The following GRIP1 variants were observed in gnomAD, a reference collection of about 807,000 sequenced individuals.
GRIP1 encodes the protein glutamate receptor-interacting protein 1.
GRIP1 carries 45 observed loss-of-function variants against 129.9 expected under a neutral mutation model. That is an observed-to-expected ratio of 0.35 (90% CI 0.27 to 0.44). The LOEUF (loss-of-function observed/expected upper bound fraction) is 0.44. Among genes scored for constraint, GRIP1 ranks in the 20% least tolerant of loss-of-function variants. GRIP1 has a pLI of 1.00. For synonymous variants in GRIP1, 530 were observed against 520.8 expected, an observed-to-expected ratio of 1.02 and a Z score of -0.24; for missense variants, 1,196 against 1,396.8, an observed-to-expected ratio of 0.86 and a Z score of 2.29.
intron 1 of GRIP1, among the ~76,000 whole-genome samples, chr12:66,638,674 A>G (rs1291659786): frequency 6.6e-6 from 1 of 152,164 alleles, no homozygotes; most frequent in East Asian, 1.9e-4. Context: ...TACGAAATCA[A>G]TTTTGTCAAT....
rs1053482342 is a variant in GRIP1 at position 66,472,803 on chromosome 12, C to T, written c.725-7381G>A. Reference sequence around the variant, plus strand: ...ATGGTGCACACTAGCCCAGATACTACGCTTTTCCCATGGTCTTCATAACCT... The same window carrying T: ...ATGGTGCACACTAGCCCAGATACTATGCTTTTCCCATGGTCTTCATAACCT... On this transcript the variant is annotated intron_variant, in intron 7 of 24. Coordinates refer to ENST00000359742, the MANE Select transcript of GRIP1 (RefSeq NM_001366722.1). Among the ~76,000 whole-genome samples, 62 of 152,192 alleles carry T rather than the reference C, an allele frequency of 4.1e-4. 1 individual carries two copies. Among genetic ancestry groups the T allele is most frequent in the Admixed American group, 4.6e-4 (7 of 15,280 alleles).
intron 1 of GRIP1, among the ~76,000 whole-genome samples, chr12:66,874,233 C>T (rs1223570459): frequency 1.3e-5 from 2 of 152,060 alleles, no homozygotes; most frequent in African/African-American, 4.8e-5. Context: ...ATTTGTTTTT[C>T]AGGCCAGGGC....
At chr12:66,628,598 A>G (rs1323908154) in intron 1 of GRIP1, among the ~76,000 whole-genome samples, 1 of 152,198 alleles carries the variant, frequency 6.6e-6, no homozygotes, top group East Asian at 1.9e-4. Context: ...CTTGTTGTGT[A>G]TTCGCAAAAT....
At chr12:66,992,498 G>T (rs2042408248) in intron 1 of GRIP1, among the ~76,000 whole-genome samples, 3 of 152,072 alleles carry the variant, frequency 2.0e-5, no homozygotes, top group African/African-American at 7.2e-5. Context: ...ATATCAACAA[G>T]TCCTGATTAC....
chr12:66,600,106 C>T (rs1054807779), intron 1 of GRIP1, among the ~76,000 whole-genome samples: 3 of 152,156 alleles, frequency 2.0e-5, no homozygotes, highest in Non-Finnish European at 4.4e-5. Flanking sequence ...ATATAAATCC[C>T]ATTCTTCCCT....
At position 66,839,677 on chromosome 12, in the gene GRIP1, C is replaced by T. The variant is rs1317458420; in HGVS notation, c.58+229373G>A. 2.6e-5 allele frequency among the ~76,000 whole-genome samples: 4 copies of T among 152,276 alleles called. No individual in the cohort carries two copies. In the East Asian group the frequency reaches 7.7e-4, roughly 29 times the overall value. Reference sequence around the variant, plus strand: ...CAAAAAAGAAAATAGGAATTGATAGCACAGTGGATTCCAGAAAAGCATATT... The same window carrying T: ...CAAAAAAGAAAATAGGAATTGATAGTACAGTGGATTCCAGAAAAGCATATT... On this transcript the variant is annotated intron_variant, in intron 1 of 1. Coordinates refer to the GRIP1 transcript ENST00000643019.
chr12:66,960,667 CT>C (rs1380389963), intron 1 of GRIP1, among the ~76,000 whole-genome samples: 2 of 152,040 alleles, frequency 1.3e-5, no homozygotes, highest in Non-Finnish European at 2.9e-5. Context: ...TATTTTGCCC[CT>C]CAGGGGATAT....
chr12:66,499,945 G>A (rs1369744368), intron 7 of GRIP1, among the ~76,000 whole-genome samples: 2 of 152,108 alleles, frequency 1.3e-5, no homozygotes, highest in African/African-American at 4.8e-5. Flanking sequence ...AGGGGGTCAG[G>A]GCTGCTGTGA....
At chr12:66,953,316 AG>A (rs2041789593) in intron 1 of GRIP1, among the ~76,000 whole-genome samples, 2 of 152,318 alleles carry the variant, frequency 1.3e-5, no homozygotes, top group South Asian at 4.1e-4. Flanking sequence ...GAGAGGCCAG[AG>A]GATGATGATA....
chr12:66,450,553 T>A (rs1309002086), intron 11 of GRIP1, among the ~76,000 whole-genome samples: 2 of 149,400 alleles, frequency 1.3e-5, no homozygotes, highest in Non-Finnish European at 3.0e-5. Flanking sequence ...ATGATAAAAA[T>A]TATTAGAAAA....
chr12:66,352,298 G>A (rs1285606452), intron 24 of GRIP1, among the ~76,000 whole-genome samples: 2 of 152,156 alleles, frequency 1.3e-5, no homozygotes, highest in Admixed American at 1.3e-4. Context: ...TGTGAGCAGG[G>A]ACCTGAAGTA....
chr12:66,410,030 C>T (rs1352128371), intron 15 of GRIP1, among the ~76,000 whole-genome samples: 1 of 151,032 alleles, frequency 6.6e-6, no homozygotes, highest in Admixed American at 6.6e-5. Flanking sequence ...GCGGGCGGAT[C>T]ACGAGGTCAG....
At chr12:66,729,582 A>AT (rs950388172) in intron 1 of GRIP1, among the ~76,000 whole-genome samples, 2 of 151,128 alleles carry the variant, frequency 1.3e-5, no homozygotes, top group Non-Finnish European at 3.0e-5. Flanking sequence ...CAGGATACAT[A>AT]TTTTTTTTTG....
chr12:66,894,224 G>A (rs1443630493), intron 1 of GRIP1, among the ~76,000 whole-genome samples: 1 of 152,136 alleles, frequency 6.6e-6, no homozygotes, highest in Non-Finnish European at 1.5e-5. Context: ...TGGGGTTCAT[G>A]GAGGAAAGCC....
intron 1 of GRIP1, among the ~76,000 whole-genome samples, chr12:66,846,037 A>G (rs2039808916): frequency 6.6e-6 from 1 of 152,136 alleles, no homozygotes; most frequent in African/African-American, 2.4e-5. Context: ...ACTATTTCTC[A>G]TGCCCGCTAT....
At chr12:66,598,897 G>A (rs1312079122) in intron 1 of GRIP1, among the ~76,000 whole-genome samples, 1 of 152,092 alleles carries the variant, frequency 6.6e-6, no homozygotes, top group Non-Finnish European at 1.5e-5. Context: ...TTTTTATAAA[G>A]GGCAATAAGA....
At chr12:66,550,295 C>T (rs1159523589) in intron 2 of GRIP1, among the ~76,000 whole-genome samples, 1 of 152,088 alleles carries the variant, frequency 6.6e-6, no homozygotes, top group Non-Finnish European at 1.5e-5. Context: ...TTATAAGGAA[C>T]TTATGGTAAT....
intron 1 of GRIP1, among the ~76,000 whole-genome samples, chr12:66,741,208 T>C (rs963783263): frequency 6.6e-6 from 1 of 152,224 alleles, no homozygotes; most frequent in African/African-American, 2.4e-5. Flanking sequence ...TATCTATCCA[T>C]AATCAACATT....
chr12:66,672,169 T>C (rs2034112102), intron 1 of GRIP1, among the ~76,000 whole-genome samples: 1 of 152,228 alleles, frequency 6.6e-6, no homozygotes, highest in African/African-American at 2.4e-5. Context: ...GATGACAACA[T>C]ATCTTTAGTG....
Sources: gnomAD v4.1 joint callset for allele counts (sites outside exome capture counted in the v4.1 genomes callset) on GRCh38, gnomAD v4.1.1 for gene constraint, MANE v1.5 for transcripts, NCBI Gene and HGNC (gene_info 2026-07-23, HGNC 2026-07-21) for gene names.